The following NRXN3 variants were observed in gnomAD, a reference collection of about 807,000 sequenced individuals.
NRXN3 encodes neurexin III.
In NRXN3, 32 loss-of-function variants were observed where a neutral mutation model predicts 137.6. That is an observed-to-expected ratio of 0.23 (90% CI 0.18 to 0.31). The LOEUF is 0.31. Among genes scored for constraint, NRXN3 ranks in the 10% least tolerant of loss-of-function variants. NRXN3 has a pLI of 1.00. For missense variants in NRXN3, 1,574 were observed against 2,062.5 expected (o/e 0.76, Z 4.59); for synonymous variants, 798 against 784.5 (o/e 1.02, Z -0.29).
intron 15 of NRXN3, among the ~76,000 whole-genome samples, chr14:79,257,556 G>A (rs1049902315): frequency 1.9e-5 from 2 of 107,766 alleles, no homozygotes; most frequent in Non-Finnish European, 3.8e-5. Flanking sequence ...GGTGGTGGTG[G>A]TGATGGTGGT....
chr14:79,216,097 G>A (rs1447268075), intron 15 of NRXN3, among the ~76,000 whole-genome samples: 2 of 152,208 alleles, frequency 1.3e-5, no homozygotes, highest in African/African-American at 4.8e-5. Context: ...GAAGAACTGA[G>A]GAGCTAGAAG....
chr14:79,575,786 CG>C (rs1373341579), intron 16 of NRXN3, among the ~76,000 whole-genome samples: 1 of 152,048 alleles, frequency 6.6e-6, no homozygotes, highest in Non-Finnish European at 1.5e-5. Flanking sequence ...ATGCAGAAAT[CG>C]GGGAGGGTGC....
chr14:78,332,447 C>T (rs1488875957), intron 4 of NRXN3, among the ~76,000 whole-genome samples: 1 of 151,890 alleles, frequency 6.6e-6, no homozygotes, highest in East Asian at 1.9e-4. Flanking sequence ...TCCTGAGTAG[C>T]TGGGATTACA....
intron 4 of NRXN3, among the ~76,000 whole-genome samples, chr14:78,515,395 T>G (rs1370287440): frequency 1.3e-5 from 2 of 152,058 alleles, no homozygotes; most frequent in African/African-American, 2.4e-5. Context: ...TTTGGCTTAT[T>G]TGTTTTGGGC....
chr14:79,748,991 G>T (rs2154086175), intron 19 of NRXN3, among the ~76,000 whole-genome samples: 1 of 152,196 alleles, frequency 6.6e-6, no homozygotes, highest in East Asian at 1.9e-4. Context: ...TCCGAAAGAA[G>T]CTGATGGTAT....
At chr14:78,916,223 A>C (rs2099255043) in intron 10 of NRXN3, among the ~76,000 whole-genome samples, 1 of 152,202 alleles carries the variant, frequency 6.6e-6, no homozygotes, top group African/African-American at 2.4e-5. Flanking sequence ...CAGTCTGGGG[A>C]AACCCAAACA....
intron 19 of NRXN3, among the ~76,000 whole-genome samples, chr14:79,726,193 A>G (rs1292112317): frequency 6.6e-6 from 1 of 152,200 alleles, no homozygotes; most frequent in Non-Finnish European, 1.5e-5. Context: ...AGTTTTAATG[A>G]AAAGTCAGTC....
intron 4 of NRXN3, among the ~76,000 whole-genome samples, chr14:78,494,044 T>A (rs536760314): frequency 6.6e-6 from 1 of 152,160 alleles, no homozygotes; most frequent in Non-Finnish European, 1.5e-5. Flanking sequence ...AGTGTTTTTG[T>A]CCCTTGGTCC....
chr14:79,775,350 A>G (rs536642011), intron 19 of NRXN3, among the ~76,000 whole-genome samples: 11 of 152,132 alleles, frequency 7.2e-5, no homozygotes, highest in African/African-American at 2.2e-4. Flanking sequence ...AAACCTCCAC[A>G]TATACACCAA....
intron 19 of NRXN3, among the ~76,000 whole-genome samples, chr14:79,802,821 G>T (rs1007690702): frequency 1.3e-5 from 2 of 152,050 alleles, no homozygotes; most frequent in African/African-American, 4.8e-5. Context: ...ACCAGTTTCA[G>T]TTGCTGGAAC....
At chr14:78,298,719 G>A (rs1293495351) in intron 4 of NRXN3, among the ~76,000 whole-genome samples, 2 of 152,170 alleles carry the variant, frequency 1.3e-5, no homozygotes, top group Non-Finnish European at 2.9e-5. Flanking sequence ...TTGCAAGATT[G>A]GTCTACCTGC....
At chr14:79,255,585 A>G (rs2076468233) in intron 15 of NRXN3, among the ~76,000 whole-genome samples, 1 of 152,266 alleles carries the variant, frequency 6.6e-6, no homozygotes, top group Non-Finnish European at 1.5e-5. Flanking sequence ...AATTTAAAGT[A>G]GAATGTGAAT....
chr14:78,325,286 G>T (rs1386767167), intron 4 of NRXN3, among the ~76,000 whole-genome samples: 1 of 151,932 alleles, frequency 6.6e-6, no homozygotes, highest in Non-Finnish European at 1.5e-5. Context: ...GGTCCTTATA[G>T]CCACAGTGTT....
chr14:78,430,511 A>C (rs2093837273), intron 4 of NRXN3, among the ~76,000 whole-genome samples: 1 of 152,220 alleles, frequency 6.6e-6, no homozygotes. Context: ...CCAGCACCTA[A>C]GGTTTTATAA....
At chr14:79,821,336 G>A (rs572945259) in intron 20 of NRXN3, among the ~76,000 whole-genome samples, 3 of 152,032 alleles carry the variant, frequency 2.0e-5, no homozygotes, top group Admixed American at 1.3e-4. Context: ...TGTCCCCAGG[G>A]GCCAGCTGCA....
intron 16 of NRXN3, chr14:79,611,466 G>A (rs1196374026): frequency 1.3e-5 from 2 of 152,404 alleles, no homozygotes; most frequent in Non-Finnish European, 2.9e-5. Flanking sequence ...GGGCATGGTT[G>A]GGGGGTGCCT....
At chr14:79,545,362 C>T (rs941275162) in intron 16 of NRXN3, among the ~76,000 whole-genome samples, 4 of 152,066 alleles carry the variant, frequency 2.6e-5, no homozygotes, top group African/African-American at 9.7e-5. Flanking sequence ...CTCATGGGCC[C>T]TTTTCTTATA....
Position 78,714,797 on chromosome 14 carries a change from A to G in NRXN3, c.1702A>G (p.Ser568Gly). 3 of 1,614,130 alleles carry G rather than the reference A, an allele frequency of 1.9e-6. No homozygotes were observed. The highest frequency in any genetic ancestry group is 2.5e-6 in the Non-Finnish European group (3 of 1,179,998). Reference sequence around the variant, plus strand: ...CAGCAGGCGCACGCCATTCACCGCCAGTGGGGAGAGCGAGATCCTGGACCT... The same window carrying G: ...CAGCAGGCGCACGCCATTCACCGCCGGTGGGGAGAGCGAGATCCTGGACCT... ...VNSRRTPFTASGESEILDLEG... is the reference protein window; with the variant it reads ...VNSRRTPFTAGGESEILDLEG... The change falls in exon 8 of 21, where the codon AGT becomes GGT. Residue 568 changes from serine to glycine, a missense_variant. By Grantham distance (56) the Ser-to-Gly change is moderately conservative. This residue lies in a region of NRXN3 where 718 missense variants were observed against 887.6 expected (regional missense o/e 0.81). Coordinates refer to ENST00000335750, the MANE Select transcript of NRXN3 (RefSeq NM_001330195.2).
intron 4 of NRXN3, among the ~76,000 whole-genome samples, chr14:78,376,142 A>G (rs932514639): frequency 1.3e-5 from 2 of 152,166 alleles, no homozygotes; most frequent in Non-Finnish European, 2.9e-5. Context: ...TAGCAGGACT[A>G]AAAATGGGCA....
Sources: gnomAD v4.1 joint callset for allele counts (sites outside exome capture counted in the v4.1 genomes callset) on GRCh38, gnomAD v4.1.1 for gene constraint, gnomAD v4.1.1 regional missense constraint, MANE v1.5 for transcripts, NCBI Gene and HGNC (gene_info 2026-07-23, HGNC 2026-07-21) for gene names.